The following CCNYL1 variants were observed in gnomAD, a reference collection of about 807,000 sequenced individuals.
The protein encoded by CCNYL1 is cyclin Y like 1, also known as cyclin-Y-like protein 1.
In CCNYL1, 16 loss-of-function variants were observed where a neutral mutation model predicts 44.2. The ratio of observed to expected loss-of-function variants is 0.36; its 90% CI spans 0.25 to 0.55. The LOEUF (loss-of-function observed/expected upper bound fraction) is 0.55, where lower values mean the gene tolerates loss of function less well. CCNYL1 is among the 20% of genes least tolerant of loss of function. The probability of loss-of-function intolerance (pLI) is 0.85; values close to 1 mark genes in which losing one functional copy is unlikely to be tolerated. For synonymous variants in CCNYL1, 159 were observed against 163.2 expected (o/e 0.97, Z 0.20); for missense variants, 348 against 451.8 (o/e 0.77, Z 2.08).
In CCNYL1 at chr2:207,715,739, C is replaced by T. The variant is rs577026749; in HGVS notation, c.220+3623C>T. On this transcript the variant is annotated intron_variant, in intron 1 of 9. Transcript: ENST00000295414. ...TTGCTCAGGCTGGAGTGGAATGGCG[C>T]GATCTCGGCTCACTGTAACCTCTGC... Among the ~76,000 whole-genome samples the T allele has an allele frequency of 5.4e-5, 8 of 147,190 alleles. No individual in the cohort carries two copies. The East Asian group carries it at 1.4e-3, about 26-fold the overall frequency.
chr2:207,751,636 C>T (rs868741744), intron 9 of CCNYL1, among the ~76,000 whole-genome samples: 21 of 152,164 alleles, frequency 1.4e-4, no homozygotes, highest in African/African-American at 3.9e-4. Flanking sequence ...GGGCAGATCA[C>T]CTGAGGTTGG....
At chr2:207,732,718 T>C (rs576898465) in intron 3 of CCNYL1, among the ~76,000 whole-genome samples, 1 of 152,190 alleles carries the variant, frequency 6.6e-6, no homozygotes, top group African/African-American at 2.4e-5. Flanking sequence ...TCAGGCTGTT[T>C]CAGTATTTGA....
chr2:207,716,725 A>G (rs371470010), intron 1 of CCNYL1, among the ~76,000 whole-genome samples: 3 of 152,208 alleles, frequency 2.0e-5, no homozygotes, highest in African/African-American at 4.8e-5. Flanking sequence ...CGATAAAAAC[A>G]TATTTTGATG....
chr2:207,751,430 A>G (rs1008862885), intron 9 of CCNYL1, among the ~76,000 whole-genome samples: 1 of 152,152 alleles, frequency 6.6e-6, no homozygotes, highest in Non-Finnish European at 1.5e-5. Context: ...TACATGAATA[A>G]TTTTTTTAGC....
Position 207,741,082 on chromosome 2 carries a change from C to T in CCNYL1, c.519+376C>T, listed in dbSNP as rs1209868534. Among the ~76,000 whole-genome samples the T allele has an allele frequency of 3.3e-5, 5 of 151,510 alleles. No homozygotes were observed. The South Asian group carries it at 8.3e-4, about 25-fold the overall frequency. ...CATCCTGGCTAACACAGTGAAACCC[C>T]GTCTCTACTAAAAATACAAAAAATT... On this transcript the variant is annotated intron_variant, in intron 6 of 9. Transcript: ENST00000295414.
chr2:207,730,964 G>A (rs984536853), intron 3 of CCNYL1, among the ~76,000 whole-genome samples: 3 of 152,052 alleles, frequency 2.0e-5, no homozygotes, highest in Non-Finnish European at 4.4e-5. Context: ...TATTTAAAGT[G>A]TAAATCTAAG....
At chr2:207,724,767 A>G (rs751450607) in intron 1 of CCNYL1, 33 bp from the exon 2 acceptor site, 2 of 1,481,998 alleles carry the variant, frequency 1.3e-6, no homozygotes, top group South Asian at 1.1e-5. Context: ...CTACTCACCT[A>G]AAGTGTCACG....
chr2:207,739,564 T>C (rs113009744), intron 5 of CCNYL1, among the ~76,000 whole-genome samples: 3 of 152,330 alleles, frequency 2.0e-5, no homozygotes, highest in Non-Finnish European at 4.4e-5. Flanking sequence ...ATTTGTACTT[T>C]CAAGTAAAAA....
At chr2:207,739,822 A>G (rs2091794693) in intron 5 of CCNYL1, among the ~76,000 whole-genome samples, 1 of 152,242 alleles carries the variant, frequency 6.6e-6, no homozygotes, top group Non-Finnish European at 1.5e-5. Context: ...CATAACTTCT[A>G]GTATAATTTG....
At chr2:207,743,642 G>T (rs1265509516) in intron 7 of CCNYL1, among the ~76,000 whole-genome samples, 1 of 152,108 alleles carries the variant, frequency 6.6e-6, no homozygotes, top group Non-Finnish European at 1.5e-5. Flanking sequence ...TAGCATTTTT[G>T]AGGGACAAGC....
chr2:207,734,089 C>G, intron 4 of CCNYL1, 42 bp downstream of exon 4: 1 of 1,278,968 alleles, frequency 7.8e-7, no homozygotes, highest in Middle Eastern at 1.9e-4. Context: ...GACAGACCCC[C>G]TTATGCTAAA....
rs770646092 is a variant in CCNYL1, at chr2:207,715,379, CTTTTT to C, written c.220+3281_220+3285del. On this transcript the variant is annotated intron_variant, in intron 1 of 9. Coordinates refer to ENST00000295414, the MANE Select transcript of CCNYL1 (RefSeq NM_001330218.2). ...CTCGGCTTTGTTCTTCAAGCTATTT[CTTTTT>C]TTTTTTTTTTTTTTTTTGACAGAGC... is the stretch of plus-strand genomic sequence containing the variant. Among the ~76,000 whole-genome samples, 26 of 100,758 alleles carry C rather than the reference CTTTTT, an allele frequency of 2.6e-4. No individual in the cohort carries two copies. In the East Asian group the frequency reaches 2.7e-3, roughly 11 times the overall value. 66.1% of individuals were successfully genotyped at this position (100,758 alleles called of 152,430 possible).
At chr2:207,733,182 A>G (rs1013186242) in intron 3 of CCNYL1, among the ~76,000 whole-genome samples, 1 of 152,236 alleles carries the variant, frequency 6.6e-6, no homozygotes, top group Non-Finnish European at 1.5e-5. Flanking sequence ...GCAGAGCAGC[A>G]TGAGTGAGTC....
chr2:207,713,445 G>C (rs959495161), intron 1 of CCNYL1, among the ~76,000 whole-genome samples: 2 of 152,272 alleles, frequency 1.3e-5, no homozygotes, highest in South Asian at 4.1e-4. Context: ...ACTCTAAACC[G>C]TTGAGGTAGG....
At chr2:207,713,807 C>T (rs1041559903) in intron 1 of CCNYL1, among the ~76,000 whole-genome samples, 3 of 152,156 alleles carry the variant, frequency 2.0e-5, no homozygotes, top group Non-Finnish European at 4.4e-5. Context: ...AAAGAATGAA[C>T]AAATATATTA....
intron 2 of CCNYL1, among the ~76,000 whole-genome samples, chr2:207,726,103 T>G (rs2091678146): frequency 6.6e-6 from 1 of 152,148 alleles, no homozygotes; most frequent in African/African-American, 2.4e-5. Context: ...AGAAGAGCTA[T>G]CCCATGCTCC....
Position 207,753,468 on chromosome 2 carries a change from T to C in CCNYL1, c.970-120T>C, listed in dbSNP as rs557858208. 8 of 620,516 alleles carry C rather than the reference T, an allele frequency of 1.3e-5. No homozygotes were observed. The East Asian group carries it at 2.2e-4, about 17-fold the overall frequency. 38.4% of individuals were successfully genotyped at this position (620,516 alleles called of 1,614,324 possible). On this transcript the variant is annotated intron_variant, in intron 9 of 9. Transcript: ENST00000295414. ...CTGGCAGTGTAAAACTCAGCCAAAG[T>C]AGCTGTAACTGTGAACTATCTAAAG...
chr2:207,716,341 T>C (rs1021361257), intron 1 of CCNYL1, among the ~76,000 whole-genome samples: 67 of 59,190 alleles, frequency 1.1e-3, no homozygotes, highest in Non-Finnish European at 1.3e-3. Flanking sequence ...AGCCCTCTCT[T>C]TTTTTTTTTT....
chr2:207,718,199 C>T (rs541589245), intron 1 of CCNYL1, among the ~76,000 whole-genome samples: 7 of 152,160 alleles, frequency 4.6e-5, no homozygotes, highest in African/African-American at 1.4e-4. Context: ...CCACCATGCC[C>T]GGCCAATATT....
Sources: allele counts gnomAD v4.1 joint callset (sites outside exome capture counted in the v4.1 genomes callset), GRCh38; gene constraint gnomAD v4.1.1; transcripts MANE v1.5; gene names NCBI Gene and HGNC (gene_info 2026-07-23, HGNC 2026-07-21).